The following ABLIM2 variants were observed in gnomAD, a reference collection of about 807,000 sequenced individuals.
The protein encoded by ABLIM2 is actin binding LIM protein family member 2.
A neutral mutation model predicts 97.7 loss-of-function variants in ABLIM2; 53 were observed. The observed-to-expected ratio is 0.54, with a 90% CI of 0.44 to 0.68. ABLIM2 has a LOEUF of 0.68. Ranked by LOEUF, ABLIM2 falls within the 30% of genes least tolerant of loss-of-function variation. The pLI is 0.00. For missense variants in ABLIM2, 835 were observed against 867.2 expected, an observed-to-expected ratio of 0.96 and a Z score of 0.47; for synonymous variants, 361 against 345.8, an observed-to-expected ratio of 1.04 and a Z score of -0.49.
At chr4:8,094,986 C>CTT (rs1222981199) in intron 3 of ABLIM2, among the ~76,000 whole-genome samples, 1 of 120,494 alleles carries the variant, frequency 8.3e-6, no homozygotes, top group Non-Finnish European at 1.7e-5. Context: ...CTTTCTTTCT[C>CTT]TTTCTTTTCC....
chr4:8,007,645 G>T (rs1300251202), intron 16 of ABLIM2: 7 of 999,698 alleles, frequency 7.0e-6, no homozygotes, highest in Non-Finnish European at 8.3e-6. Context: ...AGTCACAGGG[G>T]ACAGGGATGG....
intron 12 of ABLIM2, among the ~76,000 whole-genome samples, chr4:8,027,036 G>A (rs925572296): frequency 5.9e-5 from 9 of 152,114 alleles, no homozygotes; most frequent in African/African-American, 1.2e-4. Context: ...GAGCTTTGGC[G>A]TCTCTTCTCT....
Position 7,966,806 on chromosome 4 carries a change from C to G in ABLIM2, c.*184G>C. 1 of 580,704 alleles carries G rather than the reference C, an allele frequency of 1.7e-6. No individual in the cohort carries two copies. Among genetic ancestry groups the G allele is most frequent in the South Asian group, 2.2e-5 (1 of 45,388 alleles). 36.0% of individuals were successfully genotyped at this position (580,704 alleles called of 1,614,324 possible). Reference sequence around the variant, plus strand: ...TGGCGTGAAGCTAGCCGTCTCGGCCCTAAACTACCGGCAGGAGTGTCGCCG... The same window carrying G: ...TGGCGTGAAGCTAGCCGTCTCGGCCGTAAACTACCGGCAGGAGTGTCGCCG... On this transcript the variant is annotated 3_prime_UTR_variant, in exon 21 of 21. Coordinates refer to ENST00000447017, the MANE Select transcript of ABLIM2 (RefSeq NM_001130083.2).
intron 8 of ABLIM2, among the ~76,000 whole-genome samples, chr4:8,050,047 C>CTA (rs920619221): frequency 1.2e-4 from 19 of 152,206 alleles, no homozygotes; most frequent in African/African-American, 4.6e-4. Context: ...GTTTTAAAAT[C>CTA]TACCTATAAC....
At chr4:8,056,800 C>T (rs1247290997) in intron 7 of ABLIM2, among the ~76,000 whole-genome samples, 11 of 151,438 alleles carry the variant, frequency 7.3e-5, no homozygotes, top group Admixed American at 3.3e-4. Context: ...GGCATGGTGG[C>T]GGGCGCCTGT....
rs751512441 is a variant in ABLIM2 at position 8,027,761 on chromosome 4, C to T, written c.1265G>A (p.Arg422Gln). The T allele has an allele frequency of 2.3e-5, 37 of 1,580,412 alleles. No individual in the cohort carries two copies. The highest frequency in any genetic ancestry group is 3.6e-5 in the Admixed American group (2 of 55,308). The change falls in exon 12 of 21, where the codon CGA becomes CAA. Residue 422 changes from arginine to glutamine, a missense_variant and splice_region_variant. Coordinates refer to ENST00000447017, the MANE Select transcript of ABLIM2 (RefSeq NM_001130083.2). Reference sequence around the variant, plus strand: ...GCCCACATCACTGCGTGCCTTACCTCGGAAGTAGGGGATGTAATGATGTCT... The same window carrying T: ...GCCCACATCACTGCGTGCCTTACCTTGGAAGTAGGGGATGTAATGATGTCT... ...VFRHHYIPYF[R>Q]GSESGRSTPS...
intron 6 of ABLIM2, among the ~76,000 whole-genome samples, chr4:8,066,100 G>A (rs1316594091): frequency 2.7e-5 from 4 of 150,458 alleles, no homozygotes; most frequent in Non-Finnish European, 5.9e-5. Flanking sequence ...AGGAGATGGA[G>A]ACCATCCTGG....
At chr4:8,142,618 T>C (rs537005811) in intron 1 of ABLIM2, among the ~76,000 whole-genome samples, 2 of 152,288 alleles carry the variant, frequency 1.3e-5, no homozygotes, top group South Asian at 2.1e-4. Context: ...GGTCAGCTGC[T>C]GAATGGTGCA....
intron 6 of ABLIM2, among the ~76,000 whole-genome samples, chr4:8,076,421 T>C (rs959308386): frequency 6.6e-6 from 1 of 152,160 alleles, no homozygotes; most frequent in Admixed American, 6.5e-5. Flanking sequence ...CTCTCCAGAC[T>C]GGCCTCTGCG....
rs978828767 is a variant in ABLIM2, at chr4:8,003,965, C to T, written c.1618+4094G>A. The stretch of plus-strand genomic sequence containing the variant: ...CTGCCCGTCCCACCAGATATCCTCA[C>T]GAGATTGACAGTAGCACGTCAGGGA... On this transcript the variant is annotated intron_variant, in intron 16 of 20. Coordinates refer to ENST00000447017, the MANE Select transcript of ABLIM2 (RefSeq NM_001130083.2). The surrounding 1 kb of genome is among the most constrained non-coding windows in gnomAD (Gnocchi z 4.2). Among the ~76,000 whole-genome samples the T allele has an allele frequency of 2.0e-5, 3 of 152,114 alleles. No homozygotes were observed. The highest frequency in any genetic ancestry group is 7.2e-5 in the African/African-American group (3 of 41,420).
intron 3 of ABLIM2, among the ~76,000 whole-genome samples, chr4:8,091,879 T>TATATACAATATA (rs1828960748): frequency 1.1e-5 from 1 of 92,672 alleles, no homozygotes; most frequent in Non-Finnish European, 2.1e-5. Context: ...ACAATATATA[T>TATATACAATATA]TATAATATAT....
Position 8,061,021 on chromosome 4 carries a change from G to C in ABLIM2, c.709C>G (p.Leu237Val). Reference protein sequence around the residue: ...GEKHYHPSCALCVRCGQMFAE... With the variant: ...GEKHYHPSCAVCVRCGQMFAE... Reference sequence around the variant, plus strand: ...AACATCTGGCCGCACCTGACACATAGCGCGCAGGAAGGGTGGTAGTGCTTC... The same window carrying C: ...AACATCTGGCCGCACCTGACACATACCGCGCAGGAAGGGTGGTAGTGCTTC... Residue 237 changes from leucine (L) to valine (V), a missense_variant, in exon 7 of 21, where the codon CTA (leucine) becomes GTA (valine). Leu to Val is a conservative substitution (Grantham distance 32, BLOSUM62 1). Coordinates refer to ENST00000447017, the MANE Select transcript of ABLIM2 (RefSeq NM_001130083.2). This position sits in a 1 kb window ranked among gnomAD's most constrained non-coding sequence, Gnocchi z 4.5. 1 of 1,598,930 alleles carries C rather than the reference G, an allele frequency of 6.3e-7. No individual in the cohort carries two copies. Among genetic ancestry groups the C allele is most frequent in the East Asian group, 2.3e-5 (1 of 44,304 alleles).
Position 7,966,828 on chromosome 4 carries a change from GC to G in ABLIM2, c.*161del, listed in dbSNP as rs1723193624. On this transcript the variant is annotated 3_prime_UTR_variant, in exon 21 of 21. Coordinates refer to ENST00000447017, the MANE Select transcript of ABLIM2 (RefSeq NM_001130083.2). ...GCCCTAAACTACCGGCAGGAGTGTC[GC>G]CGGCAGGTGCAGGGGCCGCACCTGC... 1 of 587,190 alleles carries G rather than the reference GC, an allele frequency of 1.7e-6. No homozygotes were observed. Among genetic ancestry groups the G allele is most frequent in the African/African-American group, 1.9e-5 (1 of 53,640 alleles). 36.4% of individuals were successfully genotyped at this position (587,190 alleles called of 1,614,324 possible). A position where few individuals can be genotyped will look rare whatever the true frequency, so the allele number is the denominator to read the frequency against.
In ABLIM2 at chr4:8,061,887, C is replaced by G. The variant is rs1442791059; in HGVS notation, c.676-833G>C. On this transcript the variant is annotated intron_variant, in intron 6 of 20. Transcript: ENST00000447017. The surrounding 1 kb of genome is among the most constrained non-coding windows in gnomAD (Gnocchi z 4.5). The stretch of plus-strand genomic sequence containing the variant: ...GGGCTGAAATGTCATTTTGAGCATC[C>G]CGTTTTCCCTGTCCTGTGCCTTCCC... Among the ~76,000 whole-genome samples the G allele has an allele frequency of 6.6e-6, 1 of 152,152 alleles. No individual in the cohort carries two copies. The highest frequency in any genetic ancestry group is 2.4e-5 in the African/African-American group (1 of 41,432).
intron 1 of ABLIM2, among the ~76,000 whole-genome samples, chr4:8,141,851 T>C (rs777340418): frequency 8.5e-5 from 13 of 152,240 alleles, no homozygotes; most frequent in Middle Eastern, 3.2e-3. Flanking sequence ...TATGTCCACC[T>C]GGGTGGGGCC....
intron 1 of ABLIM2, among the ~76,000 whole-genome samples, chr4:8,111,054 A>G (rs1840065462): frequency 6.6e-6 from 1 of 152,270 alleles, no homozygotes. Flanking sequence ...AACCTGGCCC[A>G]AAGTCAGCCA....
In ABLIM2 at chr4:8,122,117, C is replaced by T. The variant is rs531576251; in HGVS notation, c.11-15480G>A. ...CTGACAATATGCCCCCAAGCATATA[C>T]TGGCCACACCTCAGCTGCAACCCAC... On this transcript the variant is annotated intron_variant, in intron 1 of 20. Transcript: ENST00000447017. The surrounding 1 kb of genome is among the most constrained non-coding windows in gnomAD (Gnocchi z 4.1). 6.6e-6 allele frequency among the ~76,000 whole-genome samples: 1 copy of T among 152,320 alleles called. No individual in the cohort carries two copies. The highest frequency in any genetic ancestry group is 2.1e-4 in the South Asian group (1 of 4,822).
At chr4:8,038,299 A>C (rs901925856) in intron 9 of ABLIM2, among the ~76,000 whole-genome samples, 1 of 151,934 alleles carries the variant, frequency 6.6e-6, no homozygotes, top group Non-Finnish European at 1.5e-5. Context: ...TGGCTGTCTG[A>C]CTCTAAAGCC....
chr4:7,977,829 A>AAATAAATAAATAAAT (rs1265921632), intron 20 of ABLIM2, among the ~76,000 whole-genome samples: 1 of 82,392 alleles, frequency 1.2e-5, no homozygotes, highest in Non-Finnish European at 2.7e-5. Flanking sequence ...AATAAATAAA[A>AAATAAATAAATAAAT]GGTGGGGCAG....
Sources: allele counts gnomAD v4.1 joint callset (sites outside exome capture counted in the v4.1 genomes callset), GRCh38; gene constraint gnomAD v4.1.1; non-coding constraint Gnocchi (gnomAD v3.1); transcripts MANE v1.5; gene names NCBI Gene and HGNC (gene_info 2026-07-23, HGNC 2026-07-21).